USP34: variants seen among roughly 807,000 people sequenced by gnomAD.
USP34 encodes ubiquitin carboxyl-terminal hydrolase 34.
In USP34, 70 loss-of-function variants were observed where a neutral mutation model predicts 460.3. The ratio of observed to expected loss-of-function variants is 0.15; its 90% CI spans 0.13 to 0.19. USP34 has a LOEUF of 0.19. USP34 is among the 10% of genes least tolerant of loss of function. The probability of loss-of-function intolerance (pLI) is 1.00; values close to 1 mark genes in which losing one functional copy is unlikely to be tolerated. For synonymous variants in USP34, 1,647 were observed against 1,405.3 expected (o/e 1.17, Z -3.85); for missense variants, 3,985 against 4,236.2 (o/e 0.94, Z 1.65).
intron 1 of USP34, among the ~76,000 whole-genome samples, chr2:61,459,153 C>T (rs1195199364): frequency 6.6e-6 from 1 of 151,972 alleles, no homozygotes; most frequent in Admixed American, 6.6e-5. Context: ...TATGAGTTTC[C>T]CAACTTCCAC....
chr2:61,295,409 T>C, intron 30 of USP34, 119 bp from the exon 31 acceptor site: 1 of 1,089,370 alleles, frequency 9.2e-7, no homozygotes, highest in Non-Finnish European at 1.2e-6. Flanking sequence ...TTGAAACATA[T>C]TAAAACATAT....
chr2:61,317,583 A>T (rs969329524), intron 23 of USP34, 71 bp downstream of exon 23: 5 of 1,369,096 alleles, frequency 3.7e-6, no homozygotes, highest in Non-Finnish European at 5.1e-6. Flanking sequence ...TAGAAAAATA[A>T]TTTGGAAACC....
Position 61,347,918 on chromosome 2 carries a change from C to G in USP34, c.2237G>C (p.Gly746Ala). 1 of 1,613,808 alleles carries G rather than the reference C, an allele frequency of 6.2e-7. No homozygotes were observed. Among genetic ancestry groups the G allele is most frequent in the Non-Finnish European group, 8.5e-7 (1 of 1,179,928 alleles). The change falls in exon 15 of 80, where the codon GGT becomes GCT. Residue 746 changes from glycine to alanine, a missense_variant. By Grantham distance (60) the Gly-to-Ala change is moderately conservative (BLOSUM62 0). Coordinates refer to ENST00000398571, the MANE Select transcript of USP34 (RefSeq NM_014709.4). ...GTGGTGGTGGTGGTGATGCTGTGGA[C>G]CAATAAATTGTCGACAATTAAATAA... ...NELFNCRQFIGPQHHHHHHHH... is the reference protein window; with the variant it reads ...NELFNCRQFIAPQHHHHHHHH...
At position 61,404,095 on chromosome 2, in the gene USP34, T is replaced by A. The variant is rs149388976; in HGVS notation, c.552+1613A>T. Among the ~76,000 whole-genome samples the A allele has an allele frequency of 5.1e-3, 774 of 151,870 alleles. 5 individuals are homozygous for A. Among genetic ancestry groups the A allele is most frequent in the African/African-American group, 0.018 (753 of 41,480 alleles). On this transcript the variant is annotated intron_variant, in intron 3 of 79. Coordinates refer to ENST00000398571, the MANE Select transcript of USP34 (RefSeq NM_014709.4). ...CAAGTAGGTGACTTGTGTGCCTGATTTAAAATATTCTTACGAAGAATTCTA... is the reference window on the plus strand; with the variant it reads ...CAAGTAGGTGACTTGTGTGCCTGATATAAAATATTCTTACGAAGAATTCTA...
At chr2:61,387,576 A>G (rs1194867851) in intron 5 of USP34, among the ~76,000 whole-genome samples, 2 of 146,336 alleles carry the variant, frequency 1.4e-5, no homozygotes, top group Admixed American at 1.4e-4. Context: ...ACACACATAT[A>G]TAAAATATAT....
intron 16 of USP34, among the ~76,000 whole-genome samples, chr2:61,342,026 G>A (rs1691619304): frequency 6.6e-6 from 1 of 151,992 alleles, no homozygotes; most frequent in South Asian, 2.1e-4. Context: ...GCCTCCCAAA[G>A]TTCTGGGATT....
intron 13 of USP34, 116 bp downstream of exon 13, chr2:61,349,134 C>T (rs1691862661): frequency 3.8e-6 from 5 of 1,305,596 alleles, no homozygotes; most frequent in Admixed American, 2.4e-5. Flanking sequence ...TTTACATCTC[C>T]TCAAAATGAA....
intron 16 of USP34, among the ~76,000 whole-genome samples, chr2:61,342,342 C>G (rs576842577): frequency 2.3e-5 from 3 of 131,306 alleles, no homozygotes; most frequent in African/African-American, 8.6e-5. Flanking sequence ...ACTCTGTCAT[C>G]CAGGCTGGAG....
chr2:61,354,052 T>C (rs1332865833), intron 10 of USP34, among the ~76,000 whole-genome samples: 1 of 152,210 alleles, frequency 6.6e-6, no homozygotes, highest in African/African-American at 2.4e-5. Context: ...ACATTCATTT[T>C]GGAAATCCCA....
At chr2:61,267,965 A>C (rs923124679) in intron 41 of USP34, among the ~76,000 whole-genome samples, 1 of 151,126 alleles carries the variant, frequency 6.6e-6, no homozygotes, top group African/African-American at 2.4e-5. Flanking sequence ...GATGTTGGCC[A>C]GGCTGGTCTC....
chr2:61,223,195 A>T, intron 63 of USP34, 31 bp from the exon 64 acceptor site: 1 of 1,613,062 alleles, frequency 6.2e-7, no homozygotes, highest in South Asian at 1.1e-5. Context: ...TCATTTAAGA[A>T]CCGTTATTAT....
intron 75 of USP34, chr2:61,200,665 G>A (rs140359258): frequency 1.3e-5 from 2 of 152,232 alleles, no homozygotes; most frequent in East Asian, 3.8e-4. Flanking sequence ...TAACCTCAAC[G>A]TTCAAATGAT....
chr2:61,201,843 T>C lies in USP34; in HGVS notation c.9508+1297A>G, dbSNP rs1686987225. Among the ~76,000 whole-genome samples the C allele has an allele frequency of 2.0e-5, 3 of 152,324 alleles. No homozygotes were observed. The South Asian group carries it at 6.2e-4, about 32-fold the overall frequency. Reference sequence around the variant, plus strand: ...CCAAAAATTTTTTAAAAAGTGTTTTTATAATTACCCTTCTTTATATGGGAG... The same window carrying C: ...CCAAAAATTTTTTAAAAAGTGTTTTCATAATTACCCTTCTTTATATGGGAG... On this transcript the variant is annotated intron_variant, in intron 75 of 79. Coordinates refer to ENST00000398571, the MANE Select transcript of USP34 (RefSeq NM_014709.4).
chr2:61,246,584 TAATAA>T (rs1688423372), intron 49 of USP34, 107 bp from the exon 50 acceptor site: 2 of 772,274 alleles, frequency 2.6e-6, no homozygotes, highest in African/African-American at 1.8e-5. Flanking sequence ...TAAGTCATTT[TAATAA>T]AATAAAAATA....
At chr2:61,403,038 C>T (rs554172307) in intron 3 of USP34, among the ~76,000 whole-genome samples, 15 of 151,848 alleles carry the variant, frequency 9.9e-5, no homozygotes, top group African/African-American at 3.6e-4. Flanking sequence ...ACAACTATTA[C>T]GAAAAGAAAA....
In USP34 at chr2:61,348,843, T is replaced by G; in HGVS notation, c.1587A>C (p.Thr529=). ...CAATGTCACTACCTCCACTTTGATGTGTATCGCTATTATCACTGCTTTGAG... is the reference window on the plus strand; with the variant it reads ...CAATGTCACTACCTCCACTTTGATGGGTATCGCTATTATCACTGCTTTGAG... ...ASPQSSDNSD[T]HQSGGSDIEM... Residue 529 remains threonine, a synonymous_variant, in exon 14 of 80, where the codon ACA becomes ACC. Coordinates refer to ENST00000398571, the MANE Select transcript of USP34 (RefSeq NM_014709.4). 1 of 1,613,814 alleles carries G rather than the reference T, an allele frequency of 6.2e-7. No homozygotes were observed. Among genetic ancestry groups the G allele is most frequent in the East Asian group, 2.2e-5 (1 of 44,838 alleles).
At chr2:61,190,098 T>C in intron 78 of USP34, 173 bp downstream of exon 78, 2 of 708,676 alleles carry the variant, frequency 2.8e-6, no homozygotes, top group Non-Finnish European at 2.2e-6. Flanking sequence ...TAGAGTGTGC[T>C]GTGTACATAC....
At chr2:61,230,231 TAA>T (rs900483466) in intron 58 of USP34, among the ~76,000 whole-genome samples, 1 of 152,086 alleles carries the variant, frequency 6.6e-6, no homozygotes, top group Non-Finnish European at 1.5e-5. Flanking sequence ...GCAGTCACTA[TAA>T]AAAAACAGTT....
chr2:61,363,428 T>C (rs1692331582), intron 10 of USP34, among the ~76,000 whole-genome samples: 1 of 152,176 alleles, frequency 6.6e-6, no homozygotes. Flanking sequence ...CATCAGAGCA[T>C]ACTTATACAA....
Sources: allele counts gnomAD v4.1 joint callset (sites outside exome capture counted in the v4.1 genomes callset), GRCh38; gene constraint gnomAD v4.1.1; transcripts MANE v1.5; gene names NCBI Gene and HGNC (gene_info 2026-07-23, HGNC 2026-07-21).